MYLK: variants seen among roughly 807,000 people sequenced by gnomAD.
MYLK encodes myosin light chain kinase, smooth muscle.
In MYLK, 106 loss-of-function variants were observed where a neutral mutation model predicts 203.4. The observed-to-expected ratio is 0.52, with a 90% CI of 0.45 to 0.61. MYLK has a LOEUF of 0.61. Among genes scored for constraint, MYLK ranks in the 20% least tolerant of loss-of-function variants. The pLI, the probability that MYLK is intolerant of heterozygous loss-of-function variation, is 0.00. For synonymous variants in MYLK, 867 were observed against 959.5 expected, an observed-to-expected ratio of 0.90 and a Z score of 1.78; for missense variants, 2,072 against 2,442.3, an observed-to-expected ratio of 0.85 and a Z score of 3.20.
rs190506283 is a variant in MYLK, at chr3:123,642,255, C to T, written c.4620-1751G>A. On this transcript the variant is annotated intron_variant, in intron 27 of 33. Coordinates refer to ENST00000360304, the MANE Select transcript of MYLK (RefSeq NM_053025.4). The surrounding 1 kb of genome is among the most constrained non-coding windows in gnomAD (Gnocchi z 4.2). ...TGTGACATTGGGCAAGTTGCTTAAC[C>T]TTTCTGAGTCCCAGTTTCCTTATCT... Among the ~76,000 whole-genome samples the T allele has an allele frequency of 2.6e-5, 4 of 152,302 alleles. No homozygotes were observed. The East Asian group carries it at 7.7e-4, about 29-fold the overall frequency.
chr3:123,823,306 T>C (rs1387317095), intron 3 of MYLK, among the ~76,000 whole-genome samples: 4 of 152,162 alleles, frequency 2.6e-5, no homozygotes, highest in Non-Finnish European at 5.9e-5. Context: ...CCCTCTCCAC[T>C]GACCTCCAGA....
chr3:123,692,966 A>C (rs1001961428), intron 18 of MYLK, 115 bp from the exon 19 acceptor site: 3 of 884,072 alleles, frequency 3.4e-6, no homozygotes, highest in Admixed American at 1.8e-5. Context: ...CCCAGAAGCC[A>C]GAGGCCTTGT....
chr3:123,862,228 A>C (rs1315503168), intron 2 of MYLK, among the ~76,000 whole-genome samples: 1 of 152,196 alleles, frequency 6.6e-6, no homozygotes, highest in Non-Finnish European at 1.5e-5. Context: ...CAGTTACACA[A>C]TTTAAACTGG....
At chr3:123,688,335 C>G (rs1379213424) in intron 19 of MYLK, among the ~76,000 whole-genome samples, 1 of 152,008 alleles carries the variant, frequency 6.6e-6, no homozygotes, top group African/African-American at 2.4e-5. Context: ...CTTGATCGTG[C>G]CCCCCAGCCC....
At chr3:123,682,032 G>A in intron 20 of MYLK, 192 bp downstream of exon 20, 1 of 660,636 alleles carries the variant, frequency 1.5e-6, no homozygotes, top group Non-Finnish European at 2.8e-6. Context: ...GCACTGGGAT[G>A]GGGTGAGAAA....
Position 123,708,887 on chromosome 3 carries a change from G to A in MYLK, c.1951C>T (p.Pro651Ser), listed in dbSNP as rs1167725960. Residue 651 changes from proline (P) to serine (S), a missense_variant, in exon 15 of 34, where the codon CCC (proline) becomes TCC (serine). Coordinates refer to ENST00000360304, the MANE Select transcript of MYLK (RefSeq NM_053025.4). ...TTGTGCAGCCAGATGACTTCAGGGG[G>A]TGGATTCCCTGAACCAGGAGGAGGG... ...TMTVQVSGNP[P>S]PEVIWLHNGN... 4.3e-6 allele frequency: 7 copies of A among 1,613,874 alleles called. No individual in the cohort carries two copies. Among genetic ancestry groups the A allele is most frequent in the Admixed American group, 1.7e-5 (1 of 60,008 alleles).
intron 3 of MYLK, among the ~76,000 whole-genome samples, chr3:123,827,970 G>A (rs920448666): frequency 2.6e-5 from 4 of 151,388 alleles, no homozygotes; most frequent in African/African-American, 9.7e-5. Context: ...ACAAAACACT[G>A]ATGAAAGAGA....
chr3:123,881,437 G>A (rs2033530268), intron 1 of MYLK, among the ~76,000 whole-genome samples: 1 of 152,162 alleles, frequency 6.6e-6, no homozygotes, highest in African/African-American at 2.4e-5. Context: ...TACATTTGCT[G>A]AAAAGACAGG....
At position 123,838,393 on chromosome 3, in the gene MYLK, G is replaced by A. The variant is rs2066520154; in HGVS notation, c.-126-6723C>T. ...TTAATTATTAACAAACTTGCATAAT[G>A]AGAACTAGAAAGAAACTTCTTCAGG... On this transcript the variant is annotated intron_variant, in intron 2 of 33. Coordinates refer to ENST00000360304, the MANE Select transcript of MYLK (RefSeq NM_053025.4). Among the ~76,000 whole-genome samples, 4 of 152,142 alleles carry A rather than the reference G, an allele frequency of 2.6e-5. No individual in the cohort carries two copies. The South Asian group carries it at 8.3e-4, about 32-fold the overall frequency.
At chr3:123,762,209 A>T (rs2063557979) in intron 4 of MYLK, among the ~76,000 whole-genome samples, 1 of 152,018 alleles carries the variant, frequency 6.6e-6, no homozygotes, top group Non-Finnish European at 1.5e-5. Context: ...CCTAAACAAT[A>T]GTCTTACACA....
chr3:123,802,357 C>T (rs2065225722), intron 3 of MYLK, among the ~76,000 whole-genome samples: 1 of 152,248 alleles, frequency 6.6e-6, no homozygotes, highest in African/African-American at 2.4e-5. Flanking sequence ...CCCTGAGCCA[C>T]CAGGCAGCCT....
chr3:123,708,713 C>G lies in MYLK; in HGVS notation c.2125G>C (p.Val709Leu). ...TCAGCCTCACCTTGTACCGTGAGCA[C>G]GGCCTGGGTGCGGACCTCTCCAGCG... is the stretch of plus-strand genomic sequence containing the variant. ...NSAGEVRTQAVLTVQEPHDGT... is the reference protein window; with the variant it reads ...NSAGEVRTQALLTVQEPHDGT... Residue 709 changes from valine (V) to leucine (L), a missense_variant, in exon 15 of 34, where the codon GTG becomes CTG. Coordinates refer to ENST00000360304, the MANE Select transcript of MYLK (RefSeq NM_053025.4). 3.1e-6 allele frequency: 5 copies of G among 1,614,098 alleles called. No individual in the cohort carries two copies. Among genetic ancestry groups the G allele is most frequent in the Non-Finnish European group, 4.2e-6 (5 of 1,180,020 alleles).
At chr3:123,763,795 T>C (rs1435109314) in intron 4 of MYLK, among the ~76,000 whole-genome samples, 1 of 152,206 alleles carries the variant, frequency 6.6e-6, no homozygotes, top group Admixed American at 6.5e-5. Context: ...TGTGGGTCTT[T>C]GTTCACTGTC....
intron 20 of MYLK, among the ~76,000 whole-genome samples, chr3:123,680,829 T>C (rs1280421338): frequency 3.9e-5 from 6 of 152,348 alleles, no homozygotes; most frequent in African/African-American, 1.4e-4. Flanking sequence ...CATCTTGTTT[T>C]TTGTTTGTTT....
At chr3:123,628,659 G>A (rs1255338464) in intron 30 of MYLK, among the ~76,000 whole-genome samples, 4 of 152,192 alleles carry the variant, frequency 2.6e-5, no homozygotes, top group Non-Finnish European at 5.9e-5. Context: ...GCCCAGGACA[G>A]TTCCTTCCAG....
At chr3:123,871,283 G>A (rs1405364960) in intron 2 of MYLK, among the ~76,000 whole-genome samples, 1 of 152,050 alleles carries the variant, frequency 6.6e-6, no homozygotes, top group Non-Finnish European at 1.5e-5. Context: ...TAGCAAACTA[G>A]AAAAGGAAGA....
At chr3:123,797,589 CG>C (rs57719189) in intron 3 of MYLK, among the ~76,000 whole-genome samples, 7,869 of 152,182 alleles carry the variant, frequency 0.052, 274 homozygotes, top group Non-Finnish European at 0.076. Context: ...CAGCCAGGAC[CG>C]GGTAGAGACT....
chr3:123,870,323 C>T lies in MYLK; in HGVS notation c.-127+6236G>A, dbSNP rs112281121. Among the ~76,000 whole-genome samples the T allele has an allele frequency of 3.4e-3, 521 of 152,356 alleles. 1 individual carries two copies. Among genetic ancestry groups the T allele is most frequent in the African/African-American group, 0.012 (500 of 41,588 alleles). ...ACAGCACTTGAGCCCAACTCCTCCA[C>T]CCAACCTCCGTTTCTTCTAGGCTCC... is the stretch of plus-strand genomic sequence containing the variant. On this transcript the variant is annotated intron_variant, in intron 2 of 33. Coordinates refer to ENST00000360304, the MANE Select transcript of MYLK (RefSeq NM_053025.4).
At chr3:123,691,698 G>C (rs890391324) in intron 19 of MYLK, 2 of 152,226 alleles carry the variant, frequency 1.3e-5, no homozygotes, top group Non-Finnish European at 2.9e-5. Flanking sequence ...ACACACAGGA[G>C]GGAGAAGAAC....
Sources: gnomAD v4.1 joint callset for allele counts (sites outside exome capture counted in the v4.1 genomes callset) on GRCh38, gnomAD v4.1.1 for gene constraint, Gnocchi (gnomAD v3.1) non-coding constraint, MANE v1.5 for transcripts, NCBI Gene and HGNC (gene_info 2026-07-23, HGNC 2026-07-21) for gene names.